Variants in COX7B2 observed in about 807,000 individuals in gnomAD.
The protein encoded by COX7B2 is cytochrome c oxidase subunit 7B2, also known as cytochrome c oxidase subunit 7B2, mitochondrial.
For synonymous variants in COX7B2, 37 were observed against 32.1 expected (o/e 1.15, Z -0.51); for missense variants, 109 against 95.9 (o/e 1.14, Z -0.57).
At chr4:46,787,590 T>TC (rs1164683196) in intron 2 of COX7B2, among the ~76,000 whole-genome samples, 1 of 152,186 alleles carries the variant, frequency 6.6e-6, no homozygotes, top group Non-Finnish European at 1.5e-5. Context: ...TGGGAACTGA[T>TC]AAAGTATTGA....
At chr4:46,795,199 T>C (rs1208523602) in intron 2 of COX7B2, among the ~76,000 whole-genome samples, 2 of 126,646 alleles carry the variant, frequency 1.6e-5, no homozygotes, top group Non-Finnish European at 3.2e-5. Context: ...AGCTCTTTAG[T>C]TTAATTAGAT....
intron 1 of COX7B2, among the ~76,000 whole-genome samples, chr4:46,877,578 A>G (rs1718425141): frequency 6.6e-6 from 1 of 152,204 alleles, no homozygotes; most frequent in African/African-American, 2.4e-5. Context: ...ACATGAATAG[A>G]CATTTTTCCA....
chr4:46,858,564 A>G (rs903754936), intron 1 of COX7B2, among the ~76,000 whole-genome samples: 2 of 152,202 alleles, frequency 1.3e-5, no homozygotes, highest in African/African-American at 4.8e-5. Context: ...GCTGCATCTC[A>G]AAGTTATACC....
At chr4:46,842,638 G>A (rs1418603858) in intron 2 of COX7B2, among the ~76,000 whole-genome samples, 1 of 151,680 alleles carries the variant, frequency 6.6e-6, no homozygotes, top group Non-Finnish European at 1.5e-5. Flanking sequence ...ACCTATGAGT[G>A]AGAACATGCG....
chr4:46,849,827 T>A (rs1332694331), intron 1 of COX7B2, among the ~76,000 whole-genome samples: 1 of 151,968 alleles, frequency 6.6e-6, no homozygotes, highest in South Asian at 2.1e-4. Flanking sequence ...CCAAATGCTA[T>A]CCCTCCCCGC....
At chr4:46,801,834 A>G (rs1718674408) in intron 2 of COX7B2, among the ~76,000 whole-genome samples, 1 of 152,172 alleles carries the variant, frequency 6.6e-6, no homozygotes, top group Admixed American at 6.5e-5. Flanking sequence ...TTACATTATT[A>G]CATTTCTTTG....
chr4:46,812,713 C>T (rs1029033380), intron 2 of COX7B2, among the ~76,000 whole-genome samples: 8 of 152,128 alleles, frequency 5.3e-5, no homozygotes, highest in Admixed American at 2.0e-4. Context: ...GTGGGCTTTT[C>T]GACCTGAAGG....
chr4:46,763,235 T>C (rs936616966), intron 2 of COX7B2, among the ~76,000 whole-genome samples: 8 of 140,682 alleles, frequency 5.7e-5, no homozygotes, highest in Non-Finnish European at 9.1e-5. Flanking sequence ...ATATATATTA[T>C]ATATATACAT....
chr4:46,759,537 A>G (rs1356515933), intron 2 of COX7B2, among the ~76,000 whole-genome samples: 1 of 152,090 alleles, frequency 6.6e-6, no homozygotes, highest in Non-Finnish European at 1.5e-5. Flanking sequence ...TGGGCAAAGG[A>G]TATGAACAGA....
chr4:46,861,875 A>G (rs543880151), intron 1 of COX7B2, among the ~76,000 whole-genome samples: 1 of 152,166 alleles, frequency 6.6e-6, no homozygotes, highest in Admixed American at 6.5e-5. Context: ...CTGAAGAGAG[A>G]TCCTGCCAGT....
chr4:46,895,673 T>C (rs1719717571), intron 1 of COX7B2, among the ~76,000 whole-genome samples: 1 of 152,068 alleles, frequency 6.6e-6, no homozygotes, highest in Admixed American at 6.5e-5. Flanking sequence ...AGGAAGTTAA[T>C]TAGAAATTAT....
intron 2 of COX7B2, among the ~76,000 whole-genome samples, chr4:46,781,644 G>A (rs1373479338): frequency 1.3e-5 from 2 of 152,218 alleles, no homozygotes; most frequent in Admixed American, 1.3e-4. Flanking sequence ...GCTGAGGCCG[G>A]AGCTGGCTCC....
At chr4:46,899,522 C>CGT (rs146097970) in intron 1 of COX7B2, among the ~76,000 whole-genome samples, 4 of 151,516 alleles carry the variant, frequency 2.6e-5, no homozygotes, top group Admixed American at 6.6e-5. Flanking sequence ...TTGGAGGGTG[C>CGT]GTGTGTGTGT....
intron 2 of COX7B2, among the ~76,000 whole-genome samples, chr4:46,834,825 C>T (rs916724109): frequency 2.6e-5 from 4 of 151,594 alleles, no homozygotes; most frequent in Non-Finnish European, 5.9e-5. Flanking sequence ...AAAACAAAAC[C>T]ACATTAAAAA....
chr4:46,826,484 G>A (rs574758788), intron 2 of COX7B2, among the ~76,000 whole-genome samples: 3 of 151,954 alleles, frequency 2.0e-5, no homozygotes, highest in South Asian at 2.1e-4. Flanking sequence ...AGCCACAAGC[G>A]GAAATACCAT....
intron 2 of COX7B2, among the ~76,000 whole-genome samples, chr4:46,780,284 G>A (rs370078567): frequency 7.2e-5 from 11 of 152,154 alleles, no homozygotes; most frequent in East Asian, 1.9e-4. Context: ...TTGGGAGGCC[G>A]AAGCAGGTGG....
intron 1 of COX7B2, among the ~76,000 whole-genome samples, chr4:46,906,326 A>T (rs945294692): frequency 2.0e-5 from 3 of 152,150 alleles, no homozygotes; most frequent in East Asian, 3.9e-4. Context: ...GCCCAAAGAG[A>T]ACTAATTCCT....
intron 2 of COX7B2, among the ~76,000 whole-genome samples, chr4:46,766,746 G>A (rs948463205): frequency 6.7e-5 from 10 of 148,400 alleles, no homozygotes; most frequent in Non-Finnish European, 1.2e-4. Context: ...GGGAAGTGTA[G>A]AATTTTTGCA....
chr4:46,850,718 T>A (rs1716619906), intron 1 of COX7B2, among the ~76,000 whole-genome samples: 1 of 152,102 alleles, frequency 6.6e-6, no homozygotes, highest in African/African-American at 2.4e-5. Context: ...CAGCAAACTG[T>A]TATTCTTCAC....
Sources: allele counts gnomAD v4.1 joint callset (sites outside exome capture counted in the v4.1 genomes callset), GRCh38; gene constraint gnomAD v4.1.1; transcripts MANE v1.5; gene names NCBI Gene and HGNC (gene_info 2026-07-23, HGNC 2026-07-21).